The following CECR2 variants were observed in gnomAD, a reference collection of about 807,000 sequenced individuals.
CECR2 encodes the protein CECR2 histone acetyl-lysine reader, also known as chromatin remodeling regulator CECR2.
In CECR2, 30 loss-of-function variants were observed where a neutral mutation model predicts 154.5. That is an observed-to-expected ratio of 0.19 (90% CI 0.15 to 0.26). The LOEUF (loss-of-function observed/expected upper bound fraction) is 0.26, where lower values mean the gene tolerates loss of function less well. Ranked by LOEUF, CECR2 falls within the 10% of genes least tolerant of loss-of-function variation. The probability of loss-of-function intolerance (pLI) is 1.00; values close to 1 mark genes in which losing one functional copy is unlikely to be tolerated. For synonymous variants in CECR2, 725 were observed against 683.7 expected (o/e 1.06, Z -0.94); for missense variants, 1,743 against 1,829.3 (o/e 0.95, Z 0.86).
chr22:17,395,443 C>G (rs1237320460), intron 1 of CECR2, among the ~76,000 whole-genome samples: 2 of 152,064 alleles, frequency 1.3e-5, no homozygotes, highest in Admixed American at 1.3e-4. Flanking sequence ...CTCTTGAGTT[C>G]AAGTGGTTCT....
chr22:17,465,164 G>A (rs896136097), intron 1 of CECR2, among the ~76,000 whole-genome samples: 2 of 150,982 alleles, frequency 1.3e-5, no homozygotes, highest in Admixed American at 6.6e-5. Context: ...GCCCGGCTAA[G>A]TTTTTGTATT....
chr22:17,381,895 T>TC (rs1016967400), intron 1 of CECR2, among the ~76,000 whole-genome samples: 10 of 136,916 alleles, frequency 7.3e-5, no homozygotes, highest in African/African-American at 3.0e-4. Context: ...TTTTTTTTTT[T>TC]TGTTTTTTTT....
chr22:17,475,909 C>T (rs1795197392), intron 1 of CECR2, among the ~76,000 whole-genome samples: 1 of 151,890 alleles, frequency 6.6e-6, no homozygotes, highest in South Asian at 2.1e-4. Flanking sequence ...CCCCTCCCAC[C>T]CTCTACCACT....
intron 1 of CECR2, among the ~76,000 whole-genome samples, chr22:17,408,227 G>A (rs948634534): frequency 1.2e-5 from 1 of 86,012 alleles, no homozygotes; most frequent in African/African-American, 4.6e-5. Flanking sequence ...CCAGCCCCTG[G>A]CAATCACTCG....
In CECR2 at chr22:17,395,966, G is replaced by A. The variant is rs1366056938; in HGVS notation, c.126+26057G>A. Among the ~76,000 whole-genome samples, 15 of 152,050 alleles carry A rather than the reference G, an allele frequency of 9.9e-5. 1 individual carries two copies. The highest frequency in any genetic ancestry group is 4.6e-4 in the Admixed American group (7 of 15,268). ...AATTAAAAATATTTTGAGACCAGGCGTTTTGGCTCATGCCTGTAATCCCAG... is the reference window on the plus strand; with the variant it reads ...AATTAAAAATATTTTGAGACCAGGCATTTTGGCTCATGCCTGTAATCCCAG... On this transcript the variant is annotated intron_variant, in intron 1 of 18. Transcript: ENST00000262608.
intron 18 of CECR2, 99 bp from the exon 19 acceptor site, chr22:17,552,736 C>T (rs1436617185): frequency 2.1e-5 from 24 of 1,133,386 alleles, no homozygotes; most frequent in Non-Finnish European, 2.8e-5. Context: ...AAGCCATTTT[C>T]ACACATGAGG....
intron 9 of CECR2, among the ~76,000 whole-genome samples, chr22:17,525,306 A>G (rs1316527385): frequency 6.9e-6 from 1 of 145,870 alleles, no homozygotes; most frequent in African/African-American, 2.6e-5. Context: ...AAAAAAAAAA[A>G]AAAAAAAAAG....
intron 1 of CECR2, among the ~76,000 whole-genome samples, chr22:17,451,442 A>G (rs1601381517): frequency 2.0e-5 from 3 of 152,334 alleles, no homozygotes; most frequent in East Asian, 3.9e-4. Context: ...AGATGAATGC[A>G]TAGCTCAAGG....
intron 9 of CECR2, among the ~76,000 whole-genome samples, chr22:17,526,965 CT>C (rs2056276420): frequency 6.6e-6 from 1 of 152,154 alleles, no homozygotes; most frequent in Non-Finnish European, 1.5e-5. Context: ...TAAAAAGCTT[CT>C]GCACAGCAAA....
intron 1 of CECR2, among the ~76,000 whole-genome samples, chr22:17,470,001 A>G (rs539780982): frequency 3.3e-5 from 5 of 152,294 alleles, no homozygotes; most frequent in African/African-American, 1.2e-4. Context: ...AGCCTGGCAC[A>G]TAGTATGCCT....
intron 8 of CECR2, chr22:17,518,664 T>C: frequency 2.2e-6 from 1 of 445,866 alleles, no homozygotes; most frequent in South Asian, 1.7e-5. Context: ...TGCTGAACCA[T>C]TCCAGGTCTT....
At chr22:17,508,875 A>AG (rs1256689951) in intron 7 of CECR2, among the ~76,000 whole-genome samples, 1 of 152,248 alleles carries the variant, frequency 6.6e-6, no homozygotes, top group Non-Finnish European at 1.5e-5. Flanking sequence ...GTAATGTTTG[A>AG]GACTATCTTA....
rs370750159 is a variant in CECR2 at position 17,540,730 on chromosome 22, A to G, written c.1814A>G (p.Asn605Ser). The change falls in exon 14 of 19, where the codon AAT (asparagine) becomes AGT (serine). Residue 605 changes from asparagine to serine, a missense_variant. This residue lies in a region of CECR2 where 1,250 missense variants were observed against 1,192.1 expected (regional missense o/e 1.05). Transcript: ENST00000262608. ...TQPPREVGTS[N>S]GRGFSHPLHC... ...CCCCCGCGGGAGGTGGGCACTTCCA[A>G]TGGCCGAGGTTTTTCTCATCCCCTG... 52 of 1,612,154 alleles carry G rather than the reference A, an allele frequency of 3.2e-5. No homozygotes were observed. In the East Asian group the frequency reaches 5.6e-4, roughly 17 times the overall value.
chr22:17,473,932 A>C (rs1050377852), intron 1 of CECR2, among the ~76,000 whole-genome samples: 3 of 152,204 alleles, frequency 2.0e-5, no homozygotes, highest in Non-Finnish European at 4.4e-5. Flanking sequence ...GATTAAAAAT[A>C]GCTCTCCTGT....
At position 17,548,949 on chromosome 22, in the gene CECR2, G is replaced by A. The variant is rs527746223; in HGVS notation, c.3662G>A (p.Ser1221Asn). Residue 1221 changes from serine to asparagine, a missense_variant, in exon 17 of 19, where the codon AGC becomes AAC. Ser to Asn is a conservative substitution (Grantham distance 46). Transcript: ENST00000262608. ...CAGAGACCTCTCCATCCCCAGGGAA[G>A]CCCAAGCGGACCCCCAGCCAGTCAG... ...DWQRPLHPQG[S>N]PSGPPASQPP... 200 of 1,613,906 alleles carry A rather than the reference G, an allele frequency of 1.2e-4. 2 individuals carry two copies. In the East Asian group the frequency reaches 4.3e-3, roughly 35 times the overall value.
rs200849144 is a variant in CECR2 at position 17,402,185 on chromosome 22, A to C, written c.126+32276A>C. Among the ~76,000 whole-genome samples, 12 of 152,154 alleles carry C rather than the reference A, an allele frequency of 7.9e-5. No homozygotes were observed. In the East Asian group the frequency reaches 9.7e-4, roughly 12 times the overall value. ...TTTTTAGTAGAGACGGGATTTCACC[A>C]TGTTGCCCAGGCTGGTTTCGAACTC... On this transcript the variant is annotated intron_variant, in intron 1 of 18. Coordinates refer to ENST00000262608, the MANE Select transcript of CECR2 (RefSeq NM_001290047.2).
At chr22:17,470,948 T>G (rs550015047) in intron 1 of CECR2, among the ~76,000 whole-genome samples, 8 of 152,322 alleles carry the variant, frequency 5.3e-5, no homozygotes, top group African/African-American at 1.7e-4. Context: ...AATTCAGCAG[T>G]GATCTCCTAG....
chr22:17,548,671 T>G lies in CECR2; in HGVS notation c.3384T>G (p.Asn1128Lys). ...PLYMPGLEYPNSAAHYHISPG... is the reference protein window; with the variant it reads ...PLYMPGLEYPKSAAHYHISPG... ...ATATGCCTGGCCTAGAGTACCCGAATTCAGCTGCCCATTACCACATCAGTC... is the reference window on the plus strand; with the variant it reads ...ATATGCCTGGCCTAGAGTACCCGAAGTCAGCTGCCCATTACCACATCAGTC... The change falls in exon 17 of 19, where the codon AAT (asparagine) becomes AAG (lysine). Residue 1128 changes from asparagine to lysine, a missense_variant. By Grantham distance (94) the Asn-to-Lys change is moderately conservative. This residue lies in a region of CECR2 where 1,250 missense variants were observed against 1,192.1 expected (regional missense o/e 1.05). Coordinates refer to ENST00000262608, the MANE Select transcript of CECR2 (RefSeq NM_001290047.2). The G allele has an allele frequency of 6.2e-7, 1 of 1,613,456 alleles. No homozygotes were observed. Among genetic ancestry groups the G allele is most frequent in the Middle Eastern group, 1.6e-4 (1 of 6,062 alleles).
Position 17,542,419 on chromosome 22 carries a change from T to G in CECR2, c.2276T>G (p.Met759Arg). 3 of 1,613,958 alleles carry G rather than the reference T, an allele frequency of 1.9e-6. No individual in the cohort carries two copies. Among genetic ancestry groups the G allele is most frequent in the Non-Finnish European group, 2.5e-6 (3 of 1,179,888 alleles). The change falls in exon 16 of 19, where the codon ATG (methionine) becomes AGG (arginine). Residue 759 changes from methionine to arginine, a missense_variant. Physicochemically the swap from Met to Arg is moderately conservative, Grantham distance 91 (BLOSUM62 -1). Around this residue, in one of 4 missense-constraint regions of CECR2, gnomAD observed 1,250 missense variants for 1,192.1 expected, o/e 1.05. Coordinates refer to ENST00000262608, the MANE Select transcript of CECR2 (RefSeq NM_001290047.2). ...PESSEIPPSH[M>R]YRSYKYLNRV... ...AGCTCAGAAATTCCTCCCAGCCATA[T>G]GTATCGATCGTACAAGTACCTGAAT...
Sources: allele counts gnomAD v4.1 joint callset (sites outside exome capture counted in the v4.1 genomes callset), GRCh38; gene constraint gnomAD v4.1.1; regional missense constraint gnomAD v4.1.1; transcripts MANE v1.5; gene names NCBI Gene and HGNC (gene_info 2026-07-23, HGNC 2026-07-21).